Variants in PDE10A observed in about 807,000 individuals in gnomAD.
PDE10A encodes the protein cAMP and cAMP-inhibited cGMP 3',5'-cyclic phosphodiesterase 10A.
Under a neutral mutation model 97.7 loss-of-function variants are expected in PDE10A, and 39 were observed. That is an observed-to-expected ratio of 0.40 (90% CI 0.31 to 0.52). The LOEUF is 0.52. Among genes scored for constraint, PDE10A ranks in the 20% least tolerant of loss-of-function variants. The pLI, the probability that PDE10A is intolerant of heterozygous loss-of-function variation, is 0.56. For synonymous variants in PDE10A, 371 were observed against 376.8 expected, an observed-to-expected ratio of 0.98 and a Z score of 0.18; for missense variants, 731 against 1,047.8, an observed-to-expected ratio of 0.70 and a Z score of 4.17.
At chr6:165,412,665 T>G (rs1364702983) in intron 13 of PDE10A, among the ~76,000 whole-genome samples, 1 of 152,088 alleles carries the variant, frequency 6.6e-6, no homozygotes, top group Non-Finnish European at 1.5e-5. Flanking sequence ...AAGTTAAGTT[T>G]TACCAATGCT....
chr6:165,843,792 C>T (rs2128473642), intron 1 of PDE10A, among the ~76,000 whole-genome samples: 1 of 152,326 alleles, frequency 6.6e-6, no homozygotes, highest in Non-Finnish European at 1.5e-5. Context: ...AGAGGGAAGC[C>T]TGAGCCTATC....
chr6:165,837,628 C>A (rs1450474492), intron 1 of PDE10A, among the ~76,000 whole-genome samples: 2 of 150,800 alleles, frequency 1.3e-5, no homozygotes, highest in Admixed American at 6.6e-5. Flanking sequence ...CTAAGTTCCT[C>A]CAAGTAATCT....
chr6:165,911,114 T>A (rs1162827136), intron 1 of PDE10A, among the ~76,000 whole-genome samples: 1 of 152,196 alleles, frequency 6.6e-6, no homozygotes, highest in Non-Finnish European at 1.5e-5. Flanking sequence ...CTATTTTTAG[T>A]TTGGTGCAAA....
At chr6:165,404,255 G>A (rs529154828) in intron 13 of PDE10A, among the ~76,000 whole-genome samples, 12 of 152,140 alleles carry the variant, frequency 7.9e-5, no homozygotes, top group African/African-American at 2.6e-4. Context: ...TGCTGCAGCC[G>A]ACTAAAGAAA....
chr6:165,704,564 T>C (rs1450414022), intron 1 of PDE10A, among the ~76,000 whole-genome samples: 1 of 152,186 alleles, frequency 6.6e-6, no homozygotes, highest in East Asian at 1.9e-4. Flanking sequence ...GAGGTTTCAG[T>C]TCTTCTCATC....
intron 18 of PDE10A, among the ~76,000 whole-genome samples, chr6:165,371,926 T>C (rs1031048039): frequency 3.7e-4 from 57 of 152,002 alleles, no homozygotes; most frequent in Admixed American, 1.8e-3. Context: ...GTTCAATATA[T>C]GCAAATCCAT....
At chr6:165,499,855 T>C (rs1780761568) in intron 2 of PDE10A, among the ~76,000 whole-genome samples, 1 of 152,124 alleles carries the variant, frequency 6.6e-6, no homozygotes, top group Non-Finnish European at 1.5e-5. Flanking sequence ...AAGACAGTGA[T>C]CCCAGTGATT....
chr6:165,568,487 A>G (rs529728266), intron 1 of PDE10A, among the ~76,000 whole-genome samples: 2 of 152,326 alleles, frequency 1.3e-5, no homozygotes, highest in African/African-American at 4.8e-5. Context: ...CACATGGTAC[A>G]GCTCAGTCCC....
At chr6:165,469,058 T>C (rs1022237948) in intron 3 of PDE10A, among the ~76,000 whole-genome samples, 1 of 152,256 alleles carries the variant, frequency 6.6e-6, no homozygotes, top group African/African-American at 2.4e-5. Context: ...TTAACATTTT[T>C]ATCATAATCA....
intron 1 of PDE10A, among the ~76,000 whole-genome samples, chr6:165,674,025 T>C (rs1295289942): frequency 6.6e-6 from 1 of 152,170 alleles, no homozygotes; most frequent in Non-Finnish European, 1.5e-5. Context: ...ATCGATCATA[T>C]TTTATAAATG....
In PDE10A at chr6:165,329,732, T is replaced by A. The variant is rs1010396291; in HGVS notation, c.*3293A>T. The A allele has an allele frequency of 2.0e-5, 3 of 152,216 alleles. No individual in the cohort carries two copies. Among genetic ancestry groups the A allele is most frequent in the Admixed American group, 6.5e-5 (1 of 15,290 alleles). 9.4% of individuals were successfully genotyped at this position (152,216 alleles called of 1,614,324 possible). A position where few individuals can be genotyped will look rare whatever the true frequency, so the allele number is the denominator to read the frequency against. ...AAATCTATTATTGAACACATCTAGT[T>A]TCCAATTAGTTGCTTTTGTTGTGGT... is the stretch of plus-strand genomic sequence containing the variant. On this transcript the variant is annotated 3_prime_UTR_variant, in exon 22 of 22. Transcript: ENST00000539869.
intron 1 of PDE10A, among the ~76,000 whole-genome samples, chr6:165,762,933 A>C (rs1793286717): frequency 6.6e-6 from 1 of 152,204 alleles, no homozygotes; most frequent in Non-Finnish European, 1.5e-5. Context: ...GAAGAAAAAA[A>C]AGAAAAAAAA....
At chr6:165,628,859 A>T (rs956365928) in intron 1 of PDE10A, among the ~76,000 whole-genome samples, 2 of 152,212 alleles carry the variant, frequency 1.3e-5, no homozygotes, top group Non-Finnish European at 2.9e-5. Flanking sequence ...CATATAAAAA[A>T]TGAATTATAA....
chr6:165,762,426 C>T (rs1283205158), intron 1 of PDE10A, among the ~76,000 whole-genome samples: 2 of 151,692 alleles, frequency 1.3e-5, no homozygotes, highest in South Asian at 4.2e-4. Context: ...TTCTAAGTAG[C>T]ACTTTTTAAA....
At chr6:165,587,235 G>A (rs903704904) in intron 1 of PDE10A, among the ~76,000 whole-genome samples, 1 of 152,150 alleles carries the variant, frequency 6.6e-6, no homozygotes, top group African/African-American at 2.4e-5. Context: ...CAGAATATGT[G>A]GGTGGAGGAA....
chr6:165,726,499 C>G (rs1792297753), intron 1 of PDE10A, among the ~76,000 whole-genome samples: 2 of 151,994 alleles, frequency 1.3e-5, no homozygotes, highest in Admixed American at 1.3e-4. Flanking sequence ...TCAGCAAAAC[C>G]CAATGAGAAG....
intron 1 of PDE10A, among the ~76,000 whole-genome samples, chr6:165,955,487 A>G (rs1784108000): frequency 6.6e-6 from 1 of 152,142 alleles, no homozygotes; most frequent in South Asian, 2.1e-4. Context: ...AAAGCCTGAC[A>G]TGGGAGCTTA....
intron 1 of PDE10A, among the ~76,000 whole-genome samples, chr6:165,800,926 C>A (rs892064831): frequency 2.6e-5 from 4 of 152,154 alleles, no homozygotes; most frequent in African/African-American, 7.2e-5. Context: ...AAATTCCTCT[C>A]GAAACAGAGC....
At chr6:165,442,121 C>T (rs577240737) in intron 5 of PDE10A, among the ~76,000 whole-genome samples, 2 of 152,182 alleles carry the variant, frequency 1.3e-5, no homozygotes, top group Non-Finnish European at 2.9e-5. Context: ...CAGACTGGGT[C>T]ATTTATGAAT....
Sources: gnomAD v4.1 joint callset for allele counts (sites outside exome capture counted in the v4.1 genomes callset) on GRCh38, gnomAD v4.1.1 for gene constraint, MANE v1.5 for transcripts, NCBI Gene and HGNC (gene_info 2026-07-23, HGNC 2026-07-21) for gene names.